The following AGBL4 variants were observed in gnomAD, a reference collection of about 807,000 sequenced individuals.
AGBL4 encodes AGBL carboxypeptidase 4.
In AGBL4, 58 loss-of-function variants were observed where a neutral mutation model predicts 66.4. The ratio of observed to expected loss-of-function variants is 0.87; its 90% CI spans 0.71 to 1.09. The LOEUF (loss-of-function observed/expected upper bound fraction) is 1.09. AGBL4 is among the 50% of genes least tolerant of loss of function. AGBL4 has a pLI of 0.00. For missense variants in AGBL4, 579 were observed against 631.0 expected (o/e 0.92, Z 0.88); for synonymous variants, 234 against 222.9 (o/e 1.05, Z -0.44).
intron 9 of AGBL4, among the ~76,000 whole-genome samples, chr1:48,627,703 A>C (rs1184031682): frequency 2.6e-5 from 4 of 152,188 alleles, no homozygotes; most frequent in African/African-American, 9.7e-5. Context: ...AAAGAGCTGC[A>C]GCCAAGTTGT....
intron 8 of AGBL4, among the ~76,000 whole-genome samples, chr1:48,651,369 C>T (rs983182354): frequency 6.6e-6 from 1 of 152,168 alleles, no homozygotes; most frequent in Non-Finnish European, 1.5e-5. Context: ...GGCATTTTGG[C>T]CAAGGTCACT....
At chr1:49,404,258 G>A (rs1216076217) in intron 3 of AGBL4, among the ~76,000 whole-genome samples, 2 of 152,088 alleles carry the variant, frequency 1.3e-5, no homozygotes, top group Admixed American at 6.5e-5. Flanking sequence ...GTCCTTATAG[G>A]AAAATACACC....
At chr1:48,579,015 T>C (rs761211458) in intron 11 of AGBL4, among the ~76,000 whole-genome samples, 24 of 152,102 alleles carry the variant, frequency 1.6e-4, no homozygotes, top group Non-Finnish European at 3.4e-4. Context: ...AAAATCTATG[T>C]TGAGTCTATC....
At chr1:48,780,942 C>T (rs1031133041) in intron 6 of AGBL4, among the ~76,000 whole-genome samples, 2 of 152,188 alleles carry the variant, frequency 1.3e-5, no homozygotes, top group Non-Finnish European at 2.9e-5. Flanking sequence ...TCTAATTAAA[C>T]TAAAGAGCTT....
intron 7 of AGBL4, among the ~76,000 whole-genome samples, chr1:48,657,365 A>G (rs1446796081): frequency 4.6e-5 from 7 of 152,190 alleles, no homozygotes; most frequent in African/African-American, 1.4e-4. Flanking sequence ...GTTCCAGCCG[A>G]AAAAAACCTG....
At chr1:49,187,063 C>T (rs1647027939) in intron 4 of AGBL4, among the ~76,000 whole-genome samples, 2 of 152,130 alleles carry the variant, frequency 1.3e-5, no homozygotes, top group African/African-American at 4.8e-5. Flanking sequence ...TGGCTTTAGC[C>T]AGCATTCATA....
At chr1:49,440,580 G>A (rs1409903936) in intron 3 of AGBL4, among the ~76,000 whole-genome samples, 1 of 152,156 alleles carries the variant, frequency 6.6e-6, no homozygotes, top group East Asian at 1.9e-4. Flanking sequence ...AGTGGACAAA[G>A]TGACAAAAGA....
chr1:49,799,777 GTA>G (rs1307941341), intron 2 of AGBL4, among the ~76,000 whole-genome samples: 1 of 152,126 alleles, frequency 6.6e-6, no homozygotes, highest in Non-Finnish European at 1.5e-5. Context: ...CCTCAGGCGA[GTA>G]GTTGTGATCA....
At chr1:49,211,655 T>TC (rs2148256083) in intron 4 of AGBL4, among the ~76,000 whole-genome samples, 1 of 152,096 alleles carries the variant, frequency 6.6e-6, no homozygotes, top group African/African-American at 2.4e-5. Flanking sequence ...TGTCACACAG[T>TC]CCCCCTTGGA....
intron 5 of AGBL4, among the ~76,000 whole-genome samples, chr1:48,918,119 C>T (rs1347389101): frequency 6.6e-6 from 1 of 152,222 alleles, no homozygotes; most frequent in Non-Finnish European, 1.5e-5. Context: ...ACCTAATGAG[C>T]TAATGGCGCA....
chr1:49,774,307 T>TC (rs1255380458), intron 2 of AGBL4, among the ~76,000 whole-genome samples: 2 of 152,190 alleles, frequency 1.3e-5, no homozygotes, highest in Admixed American at 6.5e-5. Flanking sequence ...TCTGATCTGC[T>TC]CCTGGCAGGG....
rs368272845 is a variant in AGBL4 at position 49,855,573 on chromosome 1, T to C, written c.35-4055A>G. On this transcript the variant is annotated intron_variant, in intron 1 of 13. Coordinates refer to ENST00000371839, the MANE Select transcript of AGBL4 (RefSeq NM_032785.4). Reference sequence around the variant, plus strand: ...AATATCTTGTCAGACCACAATGGGATAAAACTGGAAATGAATAACAAGAGG... The same window carrying C: ...AATATCTTGTCAGACCACAATGGGACAAAACTGGAAATGAATAACAAGAGG... 1.2e-3 allele frequency among the ~76,000 whole-genome samples: 189 copies of C among 151,926 alleles called. 6 individuals carry two copies. In the South Asian group the frequency reaches 0.036, roughly 29 times the overall value.
intron 4 of AGBL4, among the ~76,000 whole-genome samples, chr1:49,235,485 C>T (rs2148305995): frequency 6.6e-6 from 1 of 152,262 alleles, no homozygotes; most frequent in Admixed American, 6.5e-5. Flanking sequence ...TGAATGCATT[C>T]AGGAAAGTGA....
chr1:48,816,657 C>T (rs545890632), intron 6 of AGBL4, among the ~76,000 whole-genome samples: 1 of 152,302 alleles, frequency 6.6e-6, no homozygotes, highest in East Asian at 1.9e-4. Flanking sequence ...TAAGAAACCT[C>T]TGGTACCCTC....
chr1:48,523,080 G>T, the AGBL4 span, among the ~76,000 whole-genome samples: 1 of 152,180 alleles, frequency 6.6e-6, no homozygotes, highest in South Asian at 2.1e-4. Flanking sequence ...AGAACTGGAG[G>T]AGCCCTTAGT....
At chr1:48,705,138 G>A (rs1005241593) in intron 6 of AGBL4, among the ~76,000 whole-genome samples, 5 of 152,102 alleles carry the variant, frequency 3.3e-5, no homozygotes, top group Non-Finnish European at 7.3e-5. Context: ...ATAACTGTAT[G>A]TCACACATTT....
intron 4 of AGBL4, among the ~76,000 whole-genome samples, chr1:49,182,644 A>T (rs1462506406): frequency 1.3e-5 from 2 of 152,142 alleles, no homozygotes; most frequent in Non-Finnish European, 2.9e-5. Flanking sequence ...ATTGTATTTT[A>T]TCTTTCTAAT....
chr1:48,595,654 T>C (rs1006411972), intron 9 of AGBL4, among the ~76,000 whole-genome samples: 4 of 152,212 alleles, frequency 2.6e-5, no homozygotes, highest in African/African-American at 7.2e-5. Flanking sequence ...AAAGAGTAAA[T>C]TAAAATCAGT....
chr1:49,792,316 A>T (rs530189280), intron 2 of AGBL4, among the ~76,000 whole-genome samples: 5 of 152,130 alleles, frequency 3.3e-5, no homozygotes, highest in African/African-American at 1.2e-4. Flanking sequence ...AGAATATATT[A>T]AAAAAACAGC....
Sources: allele counts gnomAD v4.1 joint callset (sites outside exome capture counted in the v4.1 genomes callset), GRCh38; gene constraint gnomAD v4.1.1; transcripts MANE v1.5; gene names NCBI Gene and HGNC (gene_info 2026-07-23, HGNC 2026-07-21).